The following PCDH9 variants were observed in gnomAD, a reference collection of about 807,000 sequenced individuals.
The protein encoded by PCDH9 is protocadherin-9.
PCDH9 carries 24 observed loss-of-function variants against 70.6 expected under a neutral mutation model. That is an observed-to-expected ratio of 0.34 (90% CI 0.25 to 0.48). The LOEUF (loss-of-function observed/expected upper bound fraction) is 0.48, where lower values mean the gene tolerates loss of function less well. Among genes scored for constraint, PCDH9 ranks in the 20% least tolerant of loss-of-function variants. PCDH9 has a pLI of 0.99. For missense variants in PCDH9, 1,281 were observed against 1,503.6 expected (o/e 0.85, Z 2.45); for synonymous variants, 562 against 558.5 (o/e 1.01, Z -0.09).
At chr13:66,982,990 T>C (rs550087419) in intron 2 of PCDH9, among the ~76,000 whole-genome samples, 1 of 152,306 alleles carries the variant, frequency 6.6e-6, no homozygotes, top group African/African-American at 2.4e-5. Flanking sequence ...ACAAAGCTTC[T>C]TTATGTTTGT....
intron 3 of PCDH9, among the ~76,000 whole-genome samples, chr13:66,825,571 G>C (rs183077432): frequency 6.6e-6 from 1 of 151,582 alleles, no homozygotes; most frequent in African/African-American, 2.4e-5. Flanking sequence ...TCCTGACCTC[G>C]TGATCCGCCC....
intron 4 of PCDH9, among the ~76,000 whole-genome samples, chr13:66,630,366 T>C (rs149719862): frequency 6.6e-6 from 1 of 152,262 alleles, no homozygotes; most frequent in East Asian, 1.9e-4. Context: ...GAAATTACAG[T>C]CATTAGACTG....
At chr13:66,685,173 C>T (rs1593891482) in intron 3 of PCDH9, among the ~76,000 whole-genome samples, 2 of 152,200 alleles carry the variant, frequency 1.3e-5, no homozygotes, top group East Asian at 3.9e-4. Context: ...CCCCTCCCAT[C>T]ACCCGCCCAG....
At chr13:67,011,005 AT>A (rs1310376589) in intron 2 of PCDH9, among the ~76,000 whole-genome samples, 2 of 152,018 alleles carry the variant, frequency 1.3e-5, no homozygotes, top group African/African-American at 4.8e-5. Context: ...AATTTCCTAC[AT>A]CAATGTAAAA....
intron 3 of PCDH9, among the ~76,000 whole-genome samples, chr13:66,880,537 A>T (rs1750645638): frequency 6.6e-6 from 1 of 152,188 alleles, no homozygotes; most frequent in Non-Finnish European, 1.5e-5. Flanking sequence ...TAGGAAAACC[A>T]GCTTACATTT....
In PCDH9 at chr13:66,392,050, A is replaced by T. The variant is rs569053802; in HGVS notation, c.3341-87022T>A. Among the ~76,000 whole-genome samples the T allele has an allele frequency of 5.3e-5, 8 of 152,002 alleles. No homozygotes were observed. The South Asian group carries it at 8.3e-4, about 16-fold the overall frequency. On this transcript the variant is annotated intron_variant, in intron 4 of 4. Transcript: ENST00000377865. The stretch of plus-strand genomic sequence containing the variant: ...CCATCTCAAAACATACTGCTATGGA[A>T]AGCTAGGAATGAGAGAGAAATTTCA...
At chr13:66,740,102 T>A (rs1458142307) in intron 3 of PCDH9, among the ~76,000 whole-genome samples, 1 of 147,812 alleles carries the variant, frequency 6.8e-6, no homozygotes, top group Non-Finnish European at 1.5e-5. Flanking sequence ...AAAGCTCTCC[T>A]CAGCAAATGT....
chr13:67,044,659 T>G (rs946508155), intron 2 of PCDH9, among the ~76,000 whole-genome samples: 1 of 152,206 alleles, frequency 6.6e-6, no homozygotes, highest in Non-Finnish European at 1.5e-5. Flanking sequence ...TTCCAAAGGC[T>G]GCTGACTTTA....
intron 2 of PCDH9, among the ~76,000 whole-genome samples, chr13:66,957,383 C>T (rs74093687): frequency 0.067 from 10,156 of 152,112 alleles, 1,126 homozygotes; most frequent in African/African-American, 0.23. Context: ...AAATGCGATG[C>T]CTGTTGGGAA....
At chr13:66,664,134 C>G (rs2078060039) in intron 3 of PCDH9, among the ~76,000 whole-genome samples, 1 of 152,188 alleles carries the variant, frequency 6.6e-6, no homozygotes. Flanking sequence ...TAATTTCCAT[C>G]AAACAAATAA....
At chr13:66,708,403 G>GTTTTTTTTTTTTTT (rs36087870) in intron 3 of PCDH9, among the ~76,000 whole-genome samples, 11 of 136,986 alleles carry the variant, frequency 8.0e-5, no homozygotes, top group Non-Finnish European at 9.3e-5. Flanking sequence ...TTGAGATTTA[G>GTTTTTTTTTTTTTT]TTTTTTTTTT....
At chr13:66,569,434 A>T (rs1462057687) in intron 4 of PCDH9, among the ~76,000 whole-genome samples, 1 of 152,186 alleles carries the variant, frequency 6.6e-6, no homozygotes, top group Non-Finnish European at 1.5e-5. Context: ...TTTCTTCTGC[A>T]TATATTGTGT....
chr13:66,953,769 G>A (rs2083223202), intron 2 of PCDH9, among the ~76,000 whole-genome samples: 1 of 152,112 alleles, frequency 6.6e-6, no homozygotes, highest in South Asian at 2.1e-4. Context: ...ACTGTACCTA[G>A]TATATCTAGT....
At chr13:66,416,840 A>C (rs1174353245) in intron 4 of PCDH9, among the ~76,000 whole-genome samples, 3 of 152,168 alleles carry the variant, frequency 2.0e-5, no homozygotes, top group Non-Finnish European at 4.4e-5. Flanking sequence ...AATTTGTTAG[A>C]AGAAGTTATT....
intron 3 of PCDH9, among the ~76,000 whole-genome samples, chr13:66,779,843 C>CTATATATATATATATA (rs1234220065): frequency 6.4e-5 from 2 of 31,016 alleles, no homozygotes; most frequent in African/African-American, 1.9e-4. Flanking sequence ...CTCTCTCTCT[C>CTATATATATATATATA]TCTCTCTATA....
intron 2 of PCDH9, among the ~76,000 whole-genome samples, chr13:66,965,904 C>T (rs2083426995): frequency 6.6e-6 from 1 of 151,748 alleles, no homozygotes; most frequent in South Asian, 2.1e-4. Context: ...ACATGCAAAT[C>T]AATACCAAGT....
chr13:67,075,432 G>A (rs1214297557), intron 2 of PCDH9, among the ~76,000 whole-genome samples: 1 of 152,034 alleles, frequency 6.6e-6, no homozygotes, highest in African/African-American at 2.4e-5. Context: ...ACTAGGTGGG[G>A]TACAAGAATG....
In PCDH9 at chr13:66,584,929, A is replaced by T. The variant is rs527291427; in HGVS notation, c.3340+46281T>A. ...AAGGTGGTATTTAAAATGTAGATTT[A>T]AAAAAATCTGTTATGTAAGGAAAGT... is the stretch of plus-strand genomic sequence containing the variant. On this transcript the variant is annotated intron_variant, in intron 4 of 4. Coordinates refer to ENST00000377865, the MANE Select transcript of PCDH9 (RefSeq NM_203487.3). 5.3e-5 allele frequency among the ~76,000 whole-genome samples: 8 copies of T among 152,300 alleles called. No individual in the cohort carries two copies. In the East Asian group the frequency reaches 1.4e-3, roughly 26 times the overall value.
intron 3 of PCDH9, among the ~76,000 whole-genome samples, chr13:66,693,599 G>A (rs888633603): frequency 3.3e-5 from 5 of 152,136 alleles, no homozygotes; most frequent in Non-Finnish European, 4.4e-5. Flanking sequence ...TTGTTTACAT[G>A]TCCAGGTTCC....
Sources: allele counts gnomAD v4.1 joint callset (sites outside exome capture counted in the v4.1 genomes callset), GRCh38; gene constraint gnomAD v4.1.1; transcripts MANE v1.5; gene names NCBI Gene and HGNC (gene_info 2026-07-23, HGNC 2026-07-21).